Variants in TARP observed in about 807,000 individuals in gnomAD.
the TARP span, chr7:38,265,800 T>C: frequency 0.013 from 9,976 of 749,932 alleles, 201 homozygotes; most frequent in Middle Eastern, 0.056. Context: ...TGGTGTCCAC[T>C]GCGGCCTTTC....
the TARP span, among the ~76,000 whole-genome samples, chr7:38,263,212 T>C: frequency 6.6e-6 from 1 of 151,226 alleles, no homozygotes; most frequent in Non-Finnish European, 1.5e-5. Flanking sequence ...ATGCTTCCCA[T>C]GCATTTTTTG....
chr7:38,267,240 G>A, the TARP span, among the ~76,000 whole-genome samples: 1 of 151,634 alleles, frequency 6.6e-6, no homozygotes, highest in Non-Finnish European at 1.5e-5. Context: ...TAAAAGTCAT[G>A]ATTTCAGAGC....
the TARP span, among the ~76,000 whole-genome samples, chr7:38,271,627 C>A: frequency 6.6e-6 from 1 of 151,132 alleles, no homozygotes; most frequent in Non-Finnish European, 1.5e-5. Context: ...TTACTTCATA[C>A]AACTGTAGAA....
chr7:38,273,380 T>C, the TARP span, among the ~76,000 whole-genome samples: 1 of 151,090 alleles, frequency 6.6e-6, no homozygotes. Context: ...CCTTTAGAGA[T>C]TTGCAGTTGG....
At chr7:38,260,893 A>G in the TARP span, among the ~76,000 whole-genome samples, 4 of 151,632 alleles carry the variant, frequency 2.6e-5, no homozygotes, top group African/African-American at 9.7e-5. Context: ...TGGTATTGGA[A>G]ATAGAGGAAA....
the TARP span, chr7:38,265,668 A>C: frequency 4.4e-6 from 7 of 1,596,298 alleles, no homozygotes; most frequent in Non-Finnish European, 6.0e-6. Context: ...CATCTGCATC[A>C]AGTTGTTTAT....
the TARP span, among the ~76,000 whole-genome samples, chr7:38,263,017 C>G: frequency 6.6e-6 from 1 of 151,600 alleles, no homozygotes; most frequent in South Asian, 2.1e-4. Flanking sequence ...AGGAGTCTGG[C>G]TTAGAAAAAT....
chr7:38,259,905 TAC>T, the TARP span: 1 of 593,548 alleles, frequency 1.7e-6, no homozygotes, highest in South Asian at 2.1e-5. Flanking sequence ...TCATTGTTAT[TAC>T]AGAGTGAGGT....
the TARP span, among the ~76,000 whole-genome samples, chr7:38,271,548 GAAA>G: frequency 6.8e-6 from 1 of 147,716 alleles, no homozygotes; most frequent in Non-Finnish European, 1.5e-5. Context: ...CTGGTAAAAG[GAAA>G]AAAAAAGGCA....
chr7:38,268,458 A>G, the TARP span, among the ~76,000 whole-genome samples: 168 of 151,536 alleles, frequency 1.1e-3, no homozygotes, highest in Admixed American at 2.2e-3. Context: ...TTTATGTTTA[A>G]ATATGTATTT....
the TARP span, chr7:38,273,438 G>C: frequency 1.6e-6 from 1 of 627,290 alleles, no homozygotes; most frequent in Non-Finnish European, 2.7e-6. Context: ...GAAAAGTTCT[G>C]ACTCCTAAGG....
the TARP span, among the ~76,000 whole-genome samples, chr7:38,268,532 T>A: frequency 6.6e-6 from 1 of 151,524 alleles, no homozygotes; most frequent in African/African-American, 2.4e-5. Context: ...TTGGTAAGAT[T>A]TTAACCTTTT....
chr7:38,268,171 T>G, the TARP span, among the ~76,000 whole-genome samples: 17 of 151,470 alleles, frequency 1.1e-4, no homozygotes, highest in Admixed American at 5.3e-4. Context: ...TTTTACTTAC[T>G]TCAATAACAA....
the TARP span, among the ~76,000 whole-genome samples, chr7:38,268,392 T>A: frequency 6.6e-6 from 1 of 151,684 alleles, no homozygotes; most frequent in East Asian, 1.9e-4. Context: ...CATATGGATA[T>A]TTATTTAAGT....
the TARP span, chr7:38,262,140 T>C: frequency 6.3e-7 from 1 of 1,592,780 alleles, no homozygotes; most frequent in Non-Finnish European, 8.6e-7. Context: ...AACAAAATGA[T>C]CAGGAGGAAG....
At chr7:38,273,166 A>G in the TARP span, among the ~76,000 whole-genome samples, 1 of 151,110 alleles carries the variant, frequency 6.6e-6, no homozygotes, top group Non-Finnish European at 1.5e-5. Flanking sequence ...ATATTTTAAC[A>G]TTTGATATTA....
At chr7:38,270,330 C>G in the TARP span, among the ~76,000 whole-genome samples, 63,756 of 151,162 alleles carry the variant, frequency 0.42, 14,377 homozygotes, top group African/African-American at 0.59. Context: ...CCACTTTGCT[C>G]TGGGATTCTC....
chr7:38,268,607 G>C, the TARP span, among the ~76,000 whole-genome samples: 1 of 151,002 alleles, frequency 6.6e-6, no homozygotes, highest in Non-Finnish European at 1.5e-5. Flanking sequence ...CAATATGTTG[G>C]TGTTAGAAAT....
At chr7:38,273,062 A>G in the TARP span, among the ~76,000 whole-genome samples, 1 of 151,172 alleles carries the variant, frequency 6.6e-6, no homozygotes, top group Non-Finnish European at 1.5e-5. Context: ...ACATCTTTAA[A>G]CTTAAGCTAA....
Sources: gnomAD v4.1 joint callset for allele counts (sites outside exome capture counted in the v4.1 genomes callset) on GRCh38, gnomAD v4.1.1 for gene constraint, MANE v1.5 for transcripts.